Variants in ZNF518A observed in about 807,000 individuals in gnomAD.
The protein encoded by ZNF518A is zinc finger protein 518.
A neutral mutation model predicts 102.7 loss-of-function variants in ZNF518A; 47 were observed. The ratio of observed to expected loss-of-function variants is 0.46; its 90% CI spans 0.36 to 0.58. The LOEUF is 0.58. Ranked by LOEUF, ZNF518A falls within the 20% of genes least tolerant of loss-of-function variation. The probability of loss-of-function intolerance (pLI) is 0.00; values close to 1 mark genes in which losing one functional copy is unlikely to be tolerated. For missense variants in ZNF518A, 1,793 were observed against 1,699.8 expected (o/e 1.05, Z -0.96); for synonymous variants, 652 against 594.6 (o/e 1.10, Z -1.40).
chr10:96,147,876 C>T (rs142312043), intron 3 of ZNF518A, among the ~76,000 whole-genome samples: 1 of 152,166 alleles, frequency 6.6e-6, no homozygotes, highest in East Asian at 1.9e-4. Context: ...TTGATGATTT[C>T]CTTCCCCTTT....
intron 1 of ZNF518A, among the ~76,000 whole-genome samples, chr10:96,173,664 A>G (rs1332107029): frequency 6.6e-6 from 1 of 152,196 alleles, no homozygotes; most frequent in Non-Finnish European, 1.5e-5. Flanking sequence ...AGAAGTAGAC[A>G]AGTAAAGAAT....
At chr10:96,196,705 C>A (rs1199317197) in intron 1 of ZNF518A, among the ~76,000 whole-genome samples, 2 of 152,200 alleles carry the variant, frequency 1.3e-5, no homozygotes, top group Non-Finnish European at 2.9e-5. Flanking sequence ...GCATGTACAT[C>A]ACATGACTTT....
intron 1 of ZNF518A, among the ~76,000 whole-genome samples, chr10:96,196,598 T>G (rs963372334): frequency 2.0e-5 from 3 of 152,218 alleles, no homozygotes; most frequent in Non-Finnish European, 4.4e-5. Flanking sequence ...TCTTACAACC[T>G]TAATTCAACT....
At chr10:96,179,753 A>ATTCTTCTTCTTCTTC (rs58052521) in intron 1 of ZNF518A, among the ~76,000 whole-genome samples, 26 of 150,400 alleles carry the variant, frequency 1.7e-4, no homozygotes, top group South Asian at 1.1e-3. Context: ...ATCTTTTACA[A>ATTCTTCTTCTTCTTC]TTCTTCTTCT....
At chr10:96,186,042 A>T (rs934517185) in intron 1 of ZNF518A, among the ~76,000 whole-genome samples, 4 of 152,216 alleles carry the variant, frequency 2.6e-5, no homozygotes, top group Admixed American at 1.3e-4. Flanking sequence ...CGCCGGATAT[A>T]ATCTCCTGGT....
intron 3 of ZNF518A, among the ~76,000 whole-genome samples, chr10:96,136,979 T>G (rs1554874694): frequency 1.3e-5 from 2 of 152,248 alleles, no homozygotes; most frequent in African/African-American, 4.8e-5. Context: ...AAAGAAGCCA[T>G]AGGCAATATG....
downstream of ZNF518A, among the ~76,000 whole-genome samples, chr10:96,166,721 C>T (rs587613231): frequency 1.4e-4 from 22 of 152,098 alleles, no homozygotes; most frequent in Non-Finnish European, 2.9e-4. Flanking sequence ...GAGCCGAGAT[C>T]GCACCGCTGC....
intron 1 of ZNF518A, among the ~76,000 whole-genome samples, chr10:96,176,973 G>A (rs61028719): frequency 0.079 from 12,017 of 151,856 alleles, 971 homozygotes; most frequent in African/African-American, 0.21. Flanking sequence ...AGCTACTTCA[G>A]TGGCTGCAGT....
intron 3 of ZNF518A, among the ~76,000 whole-genome samples, chr10:96,147,435 A>G (rs1234245017): frequency 6.6e-6 from 1 of 152,122 alleles, no homozygotes; most frequent in Non-Finnish European, 1.5e-5. Flanking sequence ...TTGATCTCCC[A>G]ATGCATATTA....
intron 1 of ZNF518A, among the ~76,000 whole-genome samples, chr10:96,184,922 G>A (rs1326325964): frequency 6.6e-6 from 1 of 152,132 alleles, no homozygotes; most frequent in African/African-American, 2.4e-5. Context: ...CATTCTCCCT[G>A]TCACTTTCAG....
In ZNF518A at chr10:96,156,390, T is replaced by C. The variant is rs1441556025; in HGVS notation, c.68T>C (p.Val23Ala). ...KQTTLKKDYD[V>A]KNEIVDRSAP... is the part of the protein sequence containing the mutation. ...ACTACTTTAAAAAAAGATTATGATGTGAAAAATGAGATAGTTGATAGGTCG... is the reference window on the plus strand; with the variant it reads ...ACTACTTTAAAAAAAGATTATGATGCGAAAAATGAGATAGTTGATAGGTCG... The change falls in exon 6 of 6, where the codon GTG becomes GCG. Residue 23 changes from valine (V) to alanine (A), a missense_variant. By Grantham distance (64) the Val-to-Ala change is moderately conservative. Transcript: ENST00000316045. The C allele has an allele frequency of 6.2e-7, 1 of 1,603,740 alleles. No homozygotes were observed. The highest frequency in any genetic ancestry group is 8.5e-7 in the Non-Finnish European group (1 of 1,177,186).
intron 3 of ZNF518A, among the ~76,000 whole-genome samples, chr10:96,134,330 A>G (rs1370443982): frequency 6.6e-6 from 1 of 152,166 alleles, no homozygotes; most frequent in Non-Finnish European, 1.5e-5. Flanking sequence ...TCCCAGGTGC[A>G]AGCAATTCTT....
At chr10:96,174,734 A>T (rs1367397015) in intron 1 of ZNF518A, among the ~76,000 whole-genome samples, 20 of 146,076 alleles carry the variant, frequency 1.4e-4, no homozygotes, top group African/African-American at 4.9e-4. Context: ...CTACCAAAAA[A>T]ATTACAGATA....
intron 1 of ZNF518A, among the ~76,000 whole-genome samples, chr10:96,174,342 A>G (rs2083190950): frequency 6.6e-6 from 1 of 152,122 alleles, no homozygotes; most frequent in Non-Finnish European, 1.5e-5. Context: ...TTGCATTGAG[A>G]ATAGAAAGAC....
chr10:96,160,310 T>A lies in ZNF518A; in HGVS notation c.3988T>A (p.Phe1330Ile), dbSNP rs782278357. ...SKDSIRTLRL[F>I]PFSSKQLVKC... is the part of the protein sequence containing the mutation. ...AGATTCCATCAGAACTTTGCGGCTT[T>A]TCCCTTTTAGTTCTAAACAGCTTGT... Residue 1330 changes from phenylalanine to isoleucine, a missense_variant, in exon 6 of 6, where the codon TTC becomes ATC. By Grantham distance (21) the Phe-to-Ile change is conservative. This residue lies in a region of ZNF518A where 1,741 missense variants were observed against 1,622.6 expected (regional missense o/e 1.07). Coordinates refer to ENST00000316045, the MANE Select transcript of ZNF518A (RefSeq NM_001330736.2). 24 of 1,613,592 alleles carry A rather than the reference T, an allele frequency of 1.5e-5. No individual in the cohort carries two copies. The highest frequency in any genetic ancestry group is 2.7e-5 in the African/African-American group (2 of 74,914).
At chr10:96,131,704 C>T (rs1177420584) in intron 1 of ZNF518A, among the ~76,000 whole-genome samples, 4 of 152,162 alleles carry the variant, frequency 2.6e-5, no homozygotes, top group Non-Finnish European at 5.9e-5. Context: ...AAGACAGTAA[C>T]CACAATGAAC....
intron 1 of ZNF518A, among the ~76,000 whole-genome samples, chr10:96,186,189 A>G (rs1220493669): frequency 1.3e-5 from 2 of 152,138 alleles, no homozygotes; most frequent in Admixed American, 6.5e-5. Context: ...GGGTGAGGCA[A>G]TGCCCCACCC....
At chr10:96,176,924 A>G (rs1272133943) in intron 1 of ZNF518A, among the ~76,000 whole-genome samples, 2 of 151,902 alleles carry the variant, frequency 1.3e-5, no homozygotes, top group East Asian at 3.9e-4. Context: ...AGCAATAAAA[A>G]CAACTTAGCT....
intron 1 of ZNF518A, among the ~76,000 whole-genome samples, chr10:96,194,124 A>G (rs1389997700): frequency 6.6e-6 from 1 of 152,210 alleles, no homozygotes; most frequent in Non-Finnish European, 1.5e-5. Context: ...AGAGTTTCCT[A>G]GCAGGACAAC....
Sources: gnomAD v4.1 joint callset for allele counts (sites outside exome capture counted in the v4.1 genomes callset) on GRCh38, gnomAD v4.1.1 for gene constraint, gnomAD v4.1.1 regional missense constraint, MANE v1.5 for transcripts, NCBI Gene and HGNC (gene_info 2026-07-23, HGNC 2026-07-21) for gene names.